Variants in TRIM55 observed in about 807,000 individuals in gnomAD.
The protein encoded by TRIM55 is tripartite motif containing 55.
In TRIM55, 50 loss-of-function variants were observed where a neutral mutation model predicts 60.9. That is an observed-to-expected ratio of 0.82 (90% CI 0.65 to 1.04). The LOEUF is 1.04. Among genes scored for constraint, TRIM55 ranks in the 50% least tolerant of loss-of-function variants. TRIM55 has a pLI of 0.00. For missense variants in TRIM55, 681 were observed against 666.9 expected (o/e 1.02, Z -0.23); for synonymous variants, 237 against 238.1 (o/e 1.00, Z 0.04).
At position 66,167,891 on chromosome 8, in the gene TRIM55, G is replaced by T. The variant is rs58396472; in HGVS notation, c.1525-6580G>T. On this transcript the variant is annotated intron_variant, in intron 9 of 9. Transcript: ENST00000315962. ...GCCTCCTGAGTAGCTAGGACTGCAG[G>T]CATGTGCCACCACATCCAGCAATTT... is the stretch of plus-strand genomic sequence containing the variant. Among the ~76,000 whole-genome samples, 1,158 of 152,192 alleles carry T rather than the reference G, an allele frequency of 7.6e-3. 16 individuals are homozygous for T. Among genetic ancestry groups the T allele is most frequent in the African/African-American group, 0.026 (1,095 of 41,524 alleles).
intron 4 of TRIM55, among the ~76,000 whole-genome samples, chr8:66,148,313 A>G (rs1810215701): frequency 6.6e-6 from 1 of 152,254 alleles, no homozygotes; most frequent in Admixed American, 6.5e-5. Context: ...CAAATGTGCA[A>G]GCCAGACTTC....
At chr8:66,152,212 A>G in intron 7 of TRIM55, 165 bp from the exon 8 acceptor site, 2 of 878,762 alleles carry the variant, frequency 2.3e-6, no homozygotes, top group Non-Finnish European at 3.4e-6. Flanking sequence ...ACATTCCACT[A>G]GAAGCACAAA....
intron 9 of TRIM55, among the ~76,000 whole-genome samples, chr8:66,160,795 T>C (rs1353684504): frequency 6.6e-6 from 1 of 152,100 alleles, no homozygotes; most frequent in East Asian, 1.9e-4. Context: ...TTCTGTACGC[T>C]TGTTGGCCAT....
chr8:66,130,568 G>T (rs185623910), intron 2 of TRIM55, among the ~76,000 whole-genome samples: 23 of 150,432 alleles, frequency 1.5e-4, no homozygotes, highest in African/African-American at 5.1e-4. Context: ...GGGTCGGGGG[G>T]GGTGACCAAT....
At chr8:66,133,724 G>A (rs560861235) in intron 2 of TRIM55, among the ~76,000 whole-genome samples, 1 of 152,248 alleles carries the variant, frequency 6.6e-6, no homozygotes, top group Admixed American at 6.5e-5. Context: ...ACTTATAAAG[G>A]AACATTAGCG....
In TRIM55 at chr8:66,154,297, G is replaced by C; in HGVS notation, c.1487G>C (p.Ser496Thr). 6.2e-7 allele frequency: 1 copy of C among 1,614,144 alleles called. No individual in the cohort carries two copies. Among genetic ancestry groups the C allele is most frequent in the Middle Eastern group, 1.6e-4 (1 of 6,062 alleles). ...AAAASERAAV[S>T]GKETSAPAAT... ...GCAGCGAGTGAGAGGGCAGCTGTGAGTGGTAAGGAAACTAGTGCACCTGCA... is the reference window on the plus strand; with the variant it reads ...GCAGCGAGTGAGAGGGCAGCTGTGACTGGTAAGGAAACTAGTGCACCTGCA... The change falls in exon 9 of 10, where the codon AGT (serine) becomes ACT (threonine). Residue 496 changes from serine (S) to threonine (T), a missense_variant. Coordinates refer to ENST00000315962, the MANE Select transcript of TRIM55 (RefSeq NM_184085.2).
chr8:66,127,436 G>A lies in TRIM55; in HGVS notation c.168G>A (p.Gln56=), dbSNP rs1808871393. Residue 56 remains glutamine, a splice_region_variant and synonymous_variant, in exon 1 of 10, where the codon CAG becomes CAA. Transcript: ENST00000315962. ...LCRKCASDIF[Q]ASNPYLPTRG... The stretch of plus-strand genomic sequence containing the variant: ...GGAAATGTGCCAGTGATATTTTCCA[G>A]GTAGGTTTGTTTGGAATTTGGTTGA... 6.2e-7 allele frequency: 1 copy of A among 1,613,918 alleles called. No homozygotes were observed. The highest frequency in any genetic ancestry group is 8.5e-7 in the Non-Finnish European group (1 of 1,179,906).
chr8:66,150,182 A>G (rs1810330495), intron 5 of TRIM55, 35 bp from the exon 6 acceptor site: 1 of 1,605,736 alleles, frequency 6.2e-7, no homozygotes, highest in Non-Finnish European at 8.5e-7. Flanking sequence ...TGTGGAAATA[A>G]TTTAAGTAAG....
chr8:66,115,589 C>T, the TRIM55 span, among the ~76,000 whole-genome samples: 1 of 152,114 alleles, frequency 6.6e-6, no homozygotes, highest in Non-Finnish European at 1.5e-5. Flanking sequence ...GTGACCTGGG[C>T]CAAAACTCAA....
At chr8:66,165,967 A>G (rs1466251170) in intron 9 of TRIM55, among the ~76,000 whole-genome samples, 1 of 149,624 alleles carries the variant, frequency 6.7e-6, no homozygotes, top group East Asian at 2.0e-4. Context: ...TTTTTTTCCT[A>G]CTGAGAAAGT....
intron 7 of TRIM55, among the ~76,000 whole-genome samples, chr8:66,151,854 AAAT>A (rs1810441131): frequency 3.4e-5 from 1 of 29,630 alleles, no homozygotes; most frequent in Non-Finnish European, 1.4e-4. Context: ...AAAAAATAAT[AAAT>A]AAATAAATAA....
chr8:66,124,612 T>A (rs1162948705), upstream of TRIM55, among the ~76,000 whole-genome samples: 4 of 151,982 alleles, frequency 2.6e-5, no homozygotes, highest in Admixed American at 6.5e-5. Flanking sequence ...GCTGTAGCTG[T>A]TGTGAAAGGA....
the TRIM55 span, among the ~76,000 whole-genome samples, chr8:66,117,778 T>C: frequency 6.6e-6 from 1 of 152,242 alleles, no homozygotes. Context: ...ACATGGGCCA[T>C]TGGGAAGACC....
chr8:66,151,460 T>G (rs1404122778), intron 7 of TRIM55, among the ~76,000 whole-genome samples: 1 of 152,152 alleles, frequency 6.6e-6, no homozygotes, highest in Non-Finnish European at 1.5e-5. Flanking sequence ...TGCACCAACA[T>G]CCACAGACAA....
chr8:66,121,696 C>G, the TRIM55 span, among the ~76,000 whole-genome samples: 2 of 152,194 alleles, frequency 1.3e-5, no homozygotes, highest in South Asian at 4.1e-4. Context: ...CTTCTGTTTT[C>G]TGTATATCAC....
chr8:66,171,232 C>T (rs918795059), intron 9 of TRIM55, among the ~76,000 whole-genome samples: 2 of 151,248 alleles, frequency 1.3e-5, no homozygotes, highest in Admixed American at 6.6e-5. Flanking sequence ...TTCTCTCCCT[C>T]CTCCCACCCT....
chr8:66,137,198 A>T lies in TRIM55; in HGVS notation c.603+8A>T. The stretch of plus-strand genomic sequence containing the variant: ...ACCTGCAAAACTATCGAGGTGAGTC[A>T]GGTGACTCCCACAGCGTCTCAACCA... On this transcript the variant is annotated splice_region_variant and intron_variant, in intron 4 of 9. Transcript: ENST00000315962. 6.2e-7 allele frequency: 1 copy of T among 1,612,242 alleles called. No homozygotes were observed. The highest frequency in any genetic ancestry group is 8.5e-7 in the Non-Finnish European group (1 of 1,178,512).
chr8:66,154,487 C>T (rs1485934158), intron 9 of TRIM55, among the ~76,000 whole-genome samples, 153 bp downstream of exon 9: 1 of 152,202 alleles, frequency 6.6e-6, no homozygotes, highest in African/African-American at 2.4e-5. Context: ...CCAATGTTGG[C>T]TTGTTTTGAG....
chr8:66,146,793 C>G (rs545001202), intron 4 of TRIM55, among the ~76,000 whole-genome samples: 29 of 152,194 alleles, frequency 1.9e-4, no homozygotes, highest in Non-Finnish European at 4.0e-4. Context: ...CAGTCCGACT[C>G]TCAAGCTAAA....
Sources: gnomAD v4.1 joint callset for allele counts (sites outside exome capture counted in the v4.1 genomes callset) on GRCh38, gnomAD v4.1.1 for gene constraint, MANE v1.5 for transcripts, NCBI Gene and HGNC (gene_info 2026-07-23, HGNC 2026-07-21) for gene names.